The following TNR variants were observed in gnomAD, a reference collection of about 807,000 sequenced individuals.
The protein encoded by TNR is tenascin R, also known as tenascin-R.
A neutral mutation model predicts 150.4 loss-of-function variants in TNR; 45 were observed. The ratio of observed to expected loss-of-function variants is 0.30; its 90% CI spans 0.24 to 0.38. The LOEUF (loss-of-function observed/expected upper bound fraction) is 0.38, where lower values mean the gene tolerates loss of function less well. Ranked by LOEUF, TNR falls within the 10% of genes least tolerant of loss-of-function variation. TNR has a pLI of 1.00. For missense variants in TNR, 1,544 were observed against 1,759.1 expected (o/e 0.88, Z 2.19); for synonymous variants, 687 against 678.4 (o/e 1.01, Z -0.20).
chr1:175,431,936 C>CTT (rs367657172), intron 2 of TNR, among the ~76,000 whole-genome samples: 1 of 52,356 alleles, frequency 1.9e-5, no homozygotes, highest in African/African-American at 1.4e-4. Flanking sequence ...TCTCTCTCTC[C>CTT]CTCTGTCTCT....
chr1:175,496,454 C>T (rs1204859678), intron 2 of TNR, among the ~76,000 whole-genome samples: 3 of 152,160 alleles, frequency 2.0e-5, no homozygotes, highest in Non-Finnish European at 2.9e-5. Context: ...CTTGGTGACT[C>T]GGGGCTGCCA....
intron 1 of TNR, among the ~76,000 whole-genome samples, chr1:175,715,141 AT>A: frequency 6.6e-6 from 1 of 152,184 alleles, no homozygotes; most frequent in Non-Finnish European, 1.5e-5. Flanking sequence ...GCATTTAACA[AT>A]ATCCCCACAT....
chr1:175,549,784 A>C (rs1214325903), intron 1 of TNR, among the ~76,000 whole-genome samples: 1 of 152,156 alleles, frequency 6.6e-6, no homozygotes, highest in African/African-American at 2.4e-5. Flanking sequence ...ACTACAAGGA[A>C]ATGAATTCTG....
At chr1:175,588,947 C>T (rs1662684681) in intron 1 of TNR, among the ~76,000 whole-genome samples, 2 of 152,070 alleles carry the variant, frequency 1.3e-5, no homozygotes, top group South Asian at 4.2e-4. Context: ...TCTATGGTAA[C>T]AATGATGCAT....
At chr1:175,539,804 G>A (rs1660432369) in intron 1 of TNR, among the ~76,000 whole-genome samples, 1 of 152,160 alleles carries the variant, frequency 6.6e-6, no homozygotes, top group Non-Finnish European at 1.5e-5. Flanking sequence ...ATACCTTTAT[G>A]TTATGATTTG....
intron 2 of TNR, among the ~76,000 whole-genome samples, chr1:175,486,120 TC>T (rs1168760418): frequency 3.3e-5 from 4 of 120,380 alleles, no homozygotes; most frequent in Non-Finnish European, 5.2e-5. Flanking sequence ...AGCATTAGGT[TC>T]TTTTTTTTTT....
intron 2 of TNR, among the ~76,000 whole-genome samples, chr1:175,440,697 G>T (rs1415166878): frequency 2.0e-5 from 3 of 152,070 alleles, no homozygotes; most frequent in African/African-American, 7.2e-5. Context: ...TTCAGTGTCG[G>T]GGGAGGATTC....
intron 18 of TNR, among the ~76,000 whole-genome samples, chr1:175,344,205 C>T (rs548593824): frequency 2.6e-5 from 4 of 152,266 alleles, no homozygotes; most frequent in South Asian, 4.1e-4. Context: ...TGAATGCAGA[C>T]GAAGGGATGG....
intron 1 of TNR, among the ~76,000 whole-genome samples, chr1:175,602,343 T>A (rs988377798): frequency 6.6e-6 from 1 of 151,986 alleles, no homozygotes; most frequent in Non-Finnish European, 1.5e-5. Flanking sequence ...CCTGGCTCCA[T>A]TCCCAGAGTT....
At chr1:175,647,576 C>G (rs1664845271) in intron 1 of TNR, among the ~76,000 whole-genome samples, 1 of 152,012 alleles carries the variant, frequency 6.6e-6, no homozygotes, top group Non-Finnish European at 1.5e-5. Context: ...TCCAAGCTAC[C>G]AAGCACGGGA....
intron 1 of TNR, among the ~76,000 whole-genome samples, chr1:175,577,172 G>C (rs1448488516): frequency 6.6e-6 from 1 of 152,114 alleles, no homozygotes; most frequent in Non-Finnish European, 1.5e-5. Context: ...TGAATCTCAG[G>C]CTAGGGAGTC....
intron 1 of TNR, among the ~76,000 whole-genome samples, chr1:175,668,262 G>T (rs1665589623): frequency 6.6e-6 from 1 of 152,208 alleles, no homozygotes; most frequent in African/African-American, 2.4e-5. Context: ...GTCAGTGTGA[G>T]AGACACAGGG....
At chr1:175,460,592 C>CAAAGT (rs1656769904) in intron 2 of TNR, among the ~76,000 whole-genome samples, 1 of 152,170 alleles carries the variant, frequency 6.6e-6, no homozygotes, top group South Asian at 2.1e-4. Flanking sequence ...TTTTGGCTTA[C>CAAAGT]AAAGTATCCT....
At chr1:175,669,828 G>GA (rs901870862) in intron 1 of TNR, among the ~76,000 whole-genome samples, 11 of 152,136 alleles carry the variant, frequency 7.2e-5, no homozygotes, top group Non-Finnish European at 1.2e-4. Flanking sequence ...ATGATGTCAG[G>GA]AAAAAATGAC....
chr1:175,556,220 T>G (rs187294738), intron 1 of TNR, among the ~76,000 whole-genome samples: 31 of 152,330 alleles, frequency 2.0e-4, no homozygotes, highest in Middle Eastern at 3.4e-3. Flanking sequence ...CTTTTGATTC[T>G]TTTCCACCTC....
At chr1:175,558,817 G>T (rs1661297871) in intron 1 of TNR, among the ~76,000 whole-genome samples, 1 of 152,138 alleles carries the variant, frequency 6.6e-6, no homozygotes, top group Non-Finnish European at 1.5e-5. Context: ...AAATTTTAGG[G>T]CAGTGAAACT....
At chr1:175,632,801 A>G (rs775177347) in intron 1 of TNR, among the ~76,000 whole-genome samples, 2 of 152,214 alleles carry the variant, frequency 1.3e-5, no homozygotes, top group African/African-American at 2.4e-5. Flanking sequence ...CCGATGGTAC[A>G]TGGGAAAGCT....
intron 1 of TNR, among the ~76,000 whole-genome samples, chr1:175,547,024 T>G (rs1045375654): frequency 3.9e-5 from 6 of 152,344 alleles, no homozygotes; most frequent in Admixed American, 3.9e-4. Flanking sequence ...CTTTGTACAG[T>G]ACTTTGTCTT....
chr1:175,588,083 G>A (rs988276119), intron 1 of TNR, among the ~76,000 whole-genome samples: 3 of 152,208 alleles, frequency 2.0e-5, no homozygotes, highest in African/African-American at 7.2e-5. Flanking sequence ...GTGTGAAGAG[G>A]TGAAGTTCAA....
Sources: gnomAD v4.1 joint callset for allele counts (sites outside exome capture counted in the v4.1 genomes callset) on GRCh38, gnomAD v4.1.1 for gene constraint, MANE v1.5 for transcripts, NCBI Gene and HGNC (gene_info 2026-07-23, HGNC 2026-07-21) for gene names.